Variants in PIAS4 observed in about 807,000 individuals in gnomAD.
PIAS4 encodes E3 SUMO-protein ligase PIAS4.
In PIAS4, 7 loss-of-function variants were observed where a neutral mutation model predicts 58.0. The observed-to-expected ratio is 0.12, with a 90% CI of 0.07 to 0.23. The LOEUF (loss-of-function observed/expected upper bound fraction) is 0.23. Ranked by LOEUF, PIAS4 falls within the 10% of genes least tolerant of loss-of-function variation. The pLI, the probability that PIAS4 is intolerant of heterozygous loss-of-function variation, is 1.00. For missense variants in PIAS4, 550 were observed against 709.5 expected (o/e 0.78, Z 2.55); for synonymous variants, 364 against 312.4 (o/e 1.17, Z -1.74).
Position 4,037,677 on chromosome 19 carries a change from C to T in PIAS4, c.1335C>T (p.Gly445=). 3.1e-6 allele frequency: 5 copies of T among 1,612,160 alleles called. No homozygotes were observed. The highest frequency in any genetic ancestry group is 4.2e-6 in the Non-Finnish European group (5 of 1,179,736). ...APSVNGSGAL[G]STGGGGPVGS... ...GCGTCAACGGGAGCGGTGCCCTGGGCAGCACGGGTGGCGGCGGCCCGGTGG... is the reference window on the plus strand; with the variant it reads ...GCGTCAACGGGAGCGGTGCCCTGGGTAGCACGGGTGGCGGCGGCCCGGTGG... The change falls in exon 11 of 11, where the codon GGC becomes GGT. Residue 445 remains glycine, a synonymous_variant. Transcript: ENST00000262971. The surrounding 1 kb of genome is among the most constrained non-coding windows in gnomAD (Gnocchi z 5.8).
rs376284633 is a variant in PIAS4, at chr19:4,037,348, G to T, written c.1143-26G>T. ...GGGGGGGTGGGGCACCTCCAGCCCC[G>T]GCGTCAGCTGTCCGCCTCGCCCCAG... is the stretch of plus-strand genomic sequence containing the variant. On this transcript the variant is annotated intron_variant, in intron 9 of 10. Coordinates refer to ENST00000262971, the MANE Select transcript of PIAS4 (RefSeq NM_015897.4). This position sits in a 1 kb window ranked among gnomAD's most constrained non-coding sequence, Gnocchi z 5.8. 6.3e-6 allele frequency: 10 copies of T among 1,586,636 alleles called. No individual in the cohort carries two copies. The highest frequency in any genetic ancestry group is 1.7e-5 in the Admixed American group (1 of 58,352).
chr19:4,032,278 A>G (rs1171962515), intron 7 of PIAS4, among the ~76,000 whole-genome samples: 1 of 152,146 alleles, frequency 6.6e-6, no homozygotes, highest in Non-Finnish European at 1.5e-5. Flanking sequence ...TGGAGGAAGC[A>G]ACACTGGTCC....
chr19:4,012,201 C>T (rs1420097501), intron 1 of PIAS4, among the ~76,000 whole-genome samples: 1 of 151,930 alleles, frequency 6.6e-6, no homozygotes, highest in African/African-American at 2.4e-5. Context: ...GAGGCCCCCA[C>T]AGGCCCAGCC....
At chr19:4,034,171 C>T (rs1013873109) in intron 9 of PIAS4, among the ~76,000 whole-genome samples, 12 of 152,194 alleles carry the variant, frequency 7.9e-5, no homozygotes, top group East Asian at 1.9e-4. Flanking sequence ...TCCTGCCCGG[C>T]GCCGACCGCG....
chr19:4,015,760 TCTGG>T (rs1431514312), intron 2 of PIAS4, among the ~76,000 whole-genome samples: 1 of 152,148 alleles, frequency 6.6e-6, no homozygotes, highest in East Asian at 1.9e-4. Context: ...CACTCCCTCC[TCTGG>T]CTGTGACCCA....
intron 8 of PIAS4, 84 bp downstream of exon 8, chr19:4,033,257 G>T (rs2040240478): frequency 6.9e-7 from 1 of 1,444,934 alleles, no homozygotes; most frequent in Non-Finnish European, 9.5e-7. Context: ...GGGCGGCTTG[G>T]CTGGGCCGTG....
rs751420635 is a variant in PIAS4 at position 4,037,869 on chromosome 19, C to G, written c.1527C>G (p.Ala509=). 21 of 1,566,176 alleles carry G rather than the reference C, an allele frequency of 1.3e-5. No homozygotes were observed. The African/African-American group carries it at 2.7e-4, about 20-fold the overall frequency. ...CCTTCCAGAAGGGCCTGGTGCCGGC[C>G]TGCTGACCCCGGCCGCACACTCGAC... ...RCPFQKGLVP[A]C Residue 509 remains alanine (A), a synonymous_variant, in exon 11 of 11, where the codon GCC becomes GCG. Coordinates refer to ENST00000262971, the MANE Select transcript of PIAS4 (RefSeq NM_015897.4). The surrounding 1 kb of genome is among the most constrained non-coding windows in gnomAD (Gnocchi z 5.8).
At chr19:4,034,603 G>C (rs755519910) in intron 9 of PIAS4, among the ~76,000 whole-genome samples, 1 of 152,218 alleles carries the variant, frequency 6.6e-6, no homozygotes, top group African/African-American at 2.4e-5. Context: ...CCTTTGGGCC[G>C]GGCACGTGGG....
chr19:4,010,055 G>T (rs2039977859), intron 1 of PIAS4, among the ~76,000 whole-genome samples: 1 of 152,224 alleles, frequency 6.6e-6, no homozygotes, highest in East Asian at 1.9e-4. Context: ...TTCCAGGCAA[G>T]CCTGGAGTTG....
At chr19:4,010,521 A>G (rs772068336) in intron 1 of PIAS4, among the ~76,000 whole-genome samples, 3 of 152,234 alleles carry the variant, frequency 2.0e-5, no homozygotes, top group Non-Finnish European at 4.4e-5. Flanking sequence ...GCCAAGGGAG[A>G]TGAGGCATTT....
chr19:4,015,333 C>T (rs1313756092), intron 2 of PIAS4, among the ~76,000 whole-genome samples: 3 of 152,086 alleles, frequency 2.0e-5, no homozygotes, highest in South Asian at 2.1e-4. Flanking sequence ...GGACCAGTAG[C>T]TCCGTCCCAC....
chr19:4,029,055 C>G lies in PIAS4; in HGVS notation c.907+19C>G, dbSNP rs771412378. On this transcript the variant is annotated intron_variant, in intron 7 of 10. Coordinates refer to ENST00000262971, the MANE Select transcript of PIAS4 (RefSeq NM_015897.4). Reference sequence around the variant, plus strand: ...GCACTGGGTGAGCAGCTCAGGCCACCTCGGCCGAGGGGTGCCAAGTCCACC... The same window carrying G: ...GCACTGGGTGAGCAGCTCAGGCCACGTCGGCCGAGGGGTGCCAAGTCCACC... 5 of 1,558,504 alleles carry G rather than the reference C, an allele frequency of 3.2e-6. No homozygotes were observed. In the South Asian group the frequency reaches 4.6e-5, roughly 14 times the overall value.
At chr19:4,011,317 G>A (rs971869101) in intron 1 of PIAS4, among the ~76,000 whole-genome samples, 1 of 152,226 alleles carries the variant, frequency 6.6e-6, no homozygotes, top group Non-Finnish European at 1.5e-5. Flanking sequence ...AGGGCTAAGG[G>A]TGGGTGGCCC....
chr19:4,018,132 T>A (rs2040070516), intron 2 of PIAS4, among the ~76,000 whole-genome samples: 1 of 152,226 alleles, frequency 6.6e-6, no homozygotes, highest in Admixed American at 6.5e-5. Context: ...TTTTAAAAAC[T>A]CCCTGTGTTT....
In PIAS4 at chr19:4,038,780, A is replaced by AG. The variant is rs2040331108; in HGVS notation, c.*909dup. On this transcript the variant is annotated 3_prime_UTR_variant, in exon 11 of 11. Coordinates refer to ENST00000262971, the MANE Select transcript of PIAS4 (RefSeq NM_015897.4). This position sits in a 1 kb window ranked among gnomAD's most constrained non-coding sequence, Gnocchi z 4.1. ...GGGCATGGGTTGCGGTCGCTTCCCA[A>AG]GGGGCAGCAGGGACCCCGGCCACCC... 6.5e-6 allele frequency: 1 copy of AG among 153,678 alleles called. No homozygotes were observed. The highest frequency in any genetic ancestry group is 1.5e-5 in the Non-Finnish European group (1 of 68,658). The allele number at this position is 153,678 out of a possible 1,614,324, so 9.5% of individuals were successfully genotyped here.
intron 4 of PIAS4, 103 bp from the exon 5 acceptor site, chr19:4,028,407 T>G (rs2040189547): frequency 2.2e-6 from 2 of 890,604 alleles, no homozygotes; most frequent in Admixed American, 2.1e-5. Context: ...CATTCTCCGG[T>G]GCCCCCATCA....
chr19:4,038,050 T>TAA lies in PIAS4; in HGVS notation c.*184_*185dup, dbSNP rs1018869742. ...CCTCTGGACTCTCCTATCGGGGGATTAAAAAAAAAAGTAAAATGACAAAAA... is the reference window on the plus strand; with the variant it reads ...CCTCTGGACTCTCCTATCGGGGGATTAAAAAAAAAAAAGTAAAATGACAAAAA... On this transcript the variant is annotated 3_prime_UTR_variant, in exon 11 of 11. Transcript: ENST00000262971. This position sits in a 1 kb window ranked among gnomAD's most constrained non-coding sequence, Gnocchi z 4.1. 4 of 433,884 alleles carry TAA rather than the reference T, an allele frequency of 9.2e-6. No homozygotes were observed. The highest frequency in any genetic ancestry group is 9.3e-5 in the South Asian group (2 of 21,526). 26.9% of individuals were successfully genotyped at this position (433,884 alleles called of 1,614,324 possible). A position where few individuals can be genotyped will look rare whatever the true frequency, so the allele number is the denominator to read the frequency against.
At chr19:4,034,562 T>G (rs766785309) in intron 9 of PIAS4, among the ~76,000 whole-genome samples, 11 of 152,204 alleles carry the variant, frequency 7.2e-5, no homozygotes, top group Non-Finnish European at 1.5e-4. Flanking sequence ...GGCCACCCCC[T>G]TGCATCCCAG....
rs2040316629 is a variant in PIAS4 at position 4,037,776 on chromosome 19, TGAGGAGGAGGAGGAA to T, written c.1446_1460del (p.Glu483_Glu487del). Reference sequence around the variant, plus strand: ...TGGACAGCTCATCGTCCTCGGAGGATGAGGAGGAGGAGGAAGAGGAGGAGGAAGACGAGGACGAAG... The same window carrying T: ...TGGACAGCTCATCGTCCTCGGAGGATGAGGAGGAGGAAGACGAGGACGAAG... On this transcript the variant is annotated inframe_deletion, in exon 11 of 11. Transcript: ENST00000262971. The surrounding 1 kb of genome is among the most constrained non-coding windows in gnomAD (Gnocchi z 5.8). 1.2e-6 allele frequency: 2 copies of T among 1,602,790 alleles called. No individual in the cohort carries two copies. Among genetic ancestry groups the T allele is most frequent in the Non-Finnish European group, 1.7e-6 (2 of 1,175,240 alleles).
Sources: gnomAD v4.1 joint callset for allele counts (sites outside exome capture counted in the v4.1 genomes callset) on GRCh38, gnomAD v4.1.1 for gene constraint, Gnocchi (gnomAD v3.1) non-coding constraint, MANE v1.5 for transcripts, NCBI Gene and HGNC (gene_info 2026-07-23, HGNC 2026-07-21) for gene names.